Variants in KBTBD11 observed in about 807,000 individuals in gnomAD.
KBTBD11 encodes kelch repeat and BTB domain containing 11, also known as kelch repeat and BTB domain-containing protein 11.
For missense variants in KBTBD11, 1,390 were observed against 1,001.8 expected, an observed-to-expected ratio of 1.39 and a Z score of -5.23; for synonymous variants, 747 against 499.0, an observed-to-expected ratio of 1.50 and a Z score of -6.63.
chr8:2,001,307 G>T lies in KBTBD11; in HGVS notation c.115G>T (p.Ala39Ser), dbSNP rs777747996. The change falls in exon 2 of 2, where the codon GCG becomes TCG. Residue 39 changes from alanine to serine, a missense_variant. Ala to Ser is a moderately conservative substitution (Grantham distance 99, BLOSUM62 1). Coordinates refer to ENST00000320248, the MANE Select transcript of KBTBD11 (RefSeq NM_014867.3). ...SPAQTPCSLG[A>S]SLCFSSGEES... ...GGCGCAGACACCCTGCAGTCTCGGC[G>T]CGTCCCTGTGCTTCAGCTCCGGGGA... The T allele has an allele frequency of 2.6e-6, 4 of 1,524,064 alleles. No individual in the cohort carries two copies. The highest frequency in any genetic ancestry group is 3.5e-6 in the Non-Finnish European group (4 of 1,144,200). The allele number at this position is 1,524,064 out of a possible 1,614,324, so 94.4% of individuals were successfully genotyped here. A position where few individuals can be genotyped will look rare whatever the true frequency, so the allele number is the denominator to read the frequency against.
intron 1 of KBTBD11, among the ~76,000 whole-genome samples, chr8:1,977,379 A>G (rs987757376): frequency 5.9e-5 from 9 of 151,880 alleles, no homozygotes; most frequent in East Asian, 1.9e-4. Context: ...GGGGACATAC[A>G]TATGGGTGTG....
chr8:2,003,313 C>T lies in KBTBD11; in HGVS notation c.*249C>T. 2.2e-6 allele frequency: 1 copy of T among 445,670 alleles called. No homozygotes were observed. The highest frequency in any genetic ancestry group is 3.7e-6 in the Non-Finnish European group (1 of 271,970). The allele number at this position is 445,670 out of a possible 1,614,324, so 27.6% of individuals were successfully genotyped here. A position where few individuals can be genotyped will look rare whatever the true frequency, so the allele number is the denominator to read the frequency against. On this transcript the variant is annotated 3_prime_UTR_variant, in exon 2 of 2. Transcript: ENST00000320248. ...CGGATGGGTCCCTTGACAGACAGGACACAGAGAAGGCTGTGGGATCCAAAG... is the reference window on the plus strand; with the variant it reads ...CGGATGGGTCCCTTGACAGACAGGATACAGAGAAGGCTGTGGGATCCAAAG...
At position 1,991,682 on chromosome 8, in the gene KBTBD11, G is replaced by C. The variant is rs900328593; in HGVS notation, c.-908-8603G>C. Reference sequence around the variant, plus strand: ...AATGAGCTGTGACCTGCCCAGCCAGGATCCCGAGGCCTGCTTCCTGGGGGT... The same window carrying C: ...AATGAGCTGTGACCTGCCCAGCCAGCATCCCGAGGCCTGCTTCCTGGGGGT... On this transcript the variant is annotated intron_variant, in intron 1 of 1. Transcript: ENST00000320248. Among the ~76,000 whole-genome samples the C allele has an allele frequency of 3.3e-5, 5 of 152,054 alleles. No individual in the cohort carries two copies. The East Asian group carries it at 5.8e-4, about 18-fold the overall frequency.
chr8:1,981,273 C>A (rs536822055), intron 1 of KBTBD11, among the ~76,000 whole-genome samples: 7 of 152,294 alleles, frequency 4.6e-5, no homozygotes, highest in Admixed American at 4.6e-4. Context: ...CCAGACCTGT[C>A]TTATAAGAAA....
At chr8:1,979,759 GAC>G (rs200464988) in intron 1 of KBTBD11, among the ~76,000 whole-genome samples, 2,521 of 100,520 alleles carry the variant, frequency 0.025, 27 homozygotes, top group Admixed American at 0.041. Context: ...GTGTGTGGCA[GAC>G]AGGGGTGTGT....
At position 1,973,872 on chromosome 8, in the gene KBTBD11, C is replaced by G; in HGVS notation, c.-972C>G. ...GTGCCGGGAAGCGGCCGCGCGCATG[C>G]GCCGGAGCCCACCCGCCTGGCTGCG... is the stretch of plus-strand genomic sequence containing the variant. On this transcript the variant is annotated 5_prime_UTR_variant, in exon 1 of 2. Coordinates refer to ENST00000320248, the MANE Select transcript of KBTBD11 (RefSeq NM_014867.3). 1 of 982,860 alleles carries G rather than the reference C, an allele frequency of 1.0e-6. No individual in the cohort carries two copies. The highest frequency in any genetic ancestry group is 1.2e-6 in the Non-Finnish European group (1 of 828,960). 60.9% of individuals were successfully genotyped at this position (982,860 alleles called of 1,614,324 possible).
chr8:1,993,597 C>T (rs1346312664), intron 1 of KBTBD11, among the ~76,000 whole-genome samples: 1 of 148,022 alleles, frequency 6.8e-6, no homozygotes, highest in Non-Finnish European at 1.5e-5. Flanking sequence ...ATCCAGTTGC[C>T]CTTACACAGT....
In KBTBD11 at chr8:2,002,533, C is replaced by G; in HGVS notation, c.1341C>G (p.Ala447=). 1 of 1,550,558 alleles carries G rather than the reference C, an allele frequency of 6.4e-7. No homozygotes were observed. The highest frequency in any genetic ancestry group is 8.6e-7 in the Non-Finnish European group (1 of 1,159,392). Residue 447 remains alanine (A), a synonymous_variant, in exon 2 of 2, where the codon GCC becomes GCG. Transcript: ENST00000320248. This position sits in a 1 kb window ranked among gnomAD's most constrained non-coding sequence, Gnocchi z 4.1. ...PVAPLPRGAF[A]VAHEATTCHG... ...CGCCGCTGCCCCGGGGCGCCTTCGC[C>G]GTGGCGCATGAGGCCACCACCTGCC...
At chr8:1,986,167 G>C (rs1481426566) in intron 1 of KBTBD11, among the ~76,000 whole-genome samples, 1 of 152,210 alleles carries the variant, frequency 6.6e-6, no homozygotes, top group African/African-American at 2.4e-5. Context: ...CGTTGTGCTT[G>C]CCTTTGGGGA....
chr8:2,003,523 T>C lies in KBTBD11; in HGVS notation c.*459T>C, dbSNP rs566642687. On this transcript the variant is annotated 3_prime_UTR_variant, in exon 2 of 2. Transcript: ENST00000320248. ...TTTATTTTTGGCTTGAGATTTAAAA[T>C]TATAACTGATAAGTAAAGCTCTTTC... 2.9e-5 allele frequency: 5 copies of C among 169,868 alleles called. No individual in the cohort carries two copies. In the South Asian group the frequency reaches 1.0e-3, roughly 35 times the overall value. 10.5% of individuals were successfully genotyped at this position (169,868 alleles called of 1,614,324 possible).
chr8:1,999,243 G>A (rs886964249), intron 1 of KBTBD11, among the ~76,000 whole-genome samples: 3 of 152,146 alleles, frequency 2.0e-5, no homozygotes, highest in African/African-American at 7.2e-5. Flanking sequence ...GCCTTTTCAG[G>A]GACAGAGGGA....
chr8:1,995,376 G>A (rs772944504), intron 1 of KBTBD11, among the ~76,000 whole-genome samples: 11 of 152,120 alleles, frequency 7.2e-5, no homozygotes, highest in Non-Finnish European at 1.5e-4. Flanking sequence ...TTTAGTAGCC[G>A]TACGGCCAAG....
Position 1,984,262 on chromosome 8 carries a change from A to AC in KBTBD11, c.-909+10331dup, listed in dbSNP as rs544979068. ...GGACCAGCCTGGGCAACATAGTGAG[A>AC]CCCCATCTCTAAAAAAGTTTTTTTT... On this transcript the variant is annotated intron_variant, in intron 1 of 1. Coordinates refer to ENST00000320248, the MANE Select transcript of KBTBD11 (RefSeq NM_014867.3). Among the ~76,000 whole-genome samples the AC allele has an allele frequency of 2.6e-3, 374 of 143,094 alleles. 3 individuals are homozygous for AC. The highest frequency in any genetic ancestry group is 7.6e-3 in the Middle Eastern group (2 of 264). The allele number at this position is 143,094 out of a possible 152,430, so 93.9% of individuals were successfully genotyped here.
At chr8:1,981,780 C>A (rs57492597) in intron 1 of KBTBD11, among the ~76,000 whole-genome samples, 5,408 of 152,292 alleles carry the variant, frequency 0.036, 323 homozygotes, top group African/African-American at 0.12. Flanking sequence ...AGCCTTTGGA[C>A]TCTGGGACTT....
chr8:2,002,634 A>G lies in KBTBD11; in HGVS notation c.1442A>G (p.Gln481Arg). The G allele has an allele frequency of 6.3e-7, 1 of 1,580,806 alleles. No homozygotes were observed. The highest frequency in any genetic ancestry group is 8.5e-7 in the Non-Finnish European group (1 of 1,172,378). Residue 481 changes from glutamine to arginine, a missense_variant, in exon 2 of 2, where the codon CAG becomes CGG. Gln to Arg is a conservative substitution (Grantham distance 43). Transcript: ENST00000320248. The surrounding 1 kb of genome is among the most constrained non-coding windows in gnomAD (Gnocchi z 4.1). ...TATGACCCGCGGCGCGACGAGTGGC[A>G]GGAGTGCCCGTGCAGCAGCAGCCGC... is the stretch of plus-strand genomic sequence containing the variant. ...LKYDPRRDEW[Q>R]ECPCSSSRER... is the part of the protein sequence containing the mutation.
intron 1 of KBTBD11, among the ~76,000 whole-genome samples, chr8:1,985,591 A>C (rs1193492414): frequency 1.3e-5 from 2 of 152,240 alleles, no homozygotes; most frequent in African/African-American, 4.8e-5. Flanking sequence ...GTGAGACTGA[A>C]CTGTTCTCTC....
At position 1,973,853 on chromosome 8, in the gene KBTBD11, G is replaced by A; in HGVS notation, c.-991G>A. On this transcript the variant is annotated 5_prime_UTR_variant, in exon 1 of 2. Transcript: ENST00000320248. Reference sequence around the variant, plus strand: ...CGGGCCGCGGCTCCCACAGGTGCCGGGAAGCGGCCGCGCGCATGCGCCGGA... The same window carrying A: ...CGGGCCGCGGCTCCCACAGGTGCCGAGAAGCGGCCGCGCGCATGCGCCGGA... 1.0e-6 allele frequency: 1 copy of A among 983,096 alleles called. No homozygotes were observed. Among genetic ancestry groups the A allele is most frequent in the South Asian group, 4.7e-5 (1 of 21,276 alleles). 60.9% of individuals were successfully genotyped at this position (983,096 alleles called of 1,614,324 possible). A position where few individuals can be genotyped will look rare whatever the true frequency, so the allele number is the denominator to read the frequency against.
At chr8:1,978,013 A>T (rs975032822) in intron 1 of KBTBD11, among the ~76,000 whole-genome samples, 20 of 152,202 alleles carry the variant, frequency 1.3e-4, no homozygotes, top group Admixed American at 1.3e-3. Flanking sequence ...TTTATATTTT[A>T]AGTTGCAGGG....
intron 1 of KBTBD11, among the ~76,000 whole-genome samples, chr8:1,997,504 C>T (rs918048259): frequency 5.9e-5 from 9 of 152,248 alleles, no homozygotes; most frequent in African/African-American, 1.4e-4. Context: ...TGTGACACCA[C>T]GTCCATTCTG....
Sources: gnomAD v4.1 joint callset for allele counts (sites outside exome capture counted in the v4.1 genomes callset) on GRCh38, gnomAD v4.1.1 for gene constraint, Gnocchi (gnomAD v3.1) non-coding constraint, MANE v1.5 for transcripts, NCBI Gene and HGNC (gene_info 2026-07-23, HGNC 2026-07-21) for gene names.